EML6: variants seen among roughly 807,000 people sequenced by gnomAD.
EML6 encodes the protein echinoderm microtubule-associated protein-like 6.
In EML6, 154 loss-of-function variants were observed where a neutral mutation model predicts 240.1. The ratio of observed to expected loss-of-function variants is 0.64; its 90% CI spans 0.56 to 0.73. EML6 has a LOEUF of 0.73. Among genes scored for constraint, EML6 ranks in the 30% least tolerant of loss-of-function variants. The pLI, the probability that EML6 is intolerant of heterozygous loss-of-function variation, is 0.00. For synonymous variants in EML6, 1,148 were observed against 899.0 expected, an observed-to-expected ratio of 1.28 and a Z score of -4.95; for missense variants, 2,964 against 2,474.6, an observed-to-expected ratio of 1.20 and a Z score of -4.20.
intron 31 of EML6, 52 bp downstream of exon 31, chr2:54,952,744 C>G: frequency 8.1e-7 from 1 of 1,237,034 alleles, no homozygotes; most frequent in Non-Finnish European, 1.2e-6. Flanking sequence ...GGACGCTGAC[C>G]TGTCAGCAAT....
intron 28 of EML6, among the ~76,000 whole-genome samples, chr2:54,932,478 C>T (rs1674914041): frequency 1.3e-5 from 2 of 152,300 alleles, no homozygotes; most frequent in South Asian, 2.1e-4. Flanking sequence ...CCCTTCCAAA[C>T]CTTCCCACCT....
At chr2:54,888,795 T>A (rs1455303546) in intron 17 of EML6, among the ~76,000 whole-genome samples, 2 of 152,200 alleles carry the variant, frequency 1.3e-5, no homozygotes, top group African/African-American at 4.8e-5. Flanking sequence ...GCTGCCACAT[T>A]TTGACAATTA....
At chr2:54,758,171 G>A (rs1667821609) in intron 2 of EML6, among the ~76,000 whole-genome samples, 1 of 151,946 alleles carries the variant, frequency 6.6e-6, no homozygotes, top group Admixed American at 6.6e-5. Context: ...ATTTTAAATA[G>A]ATTTAAAATC....
intron 41 of EML6, 101 bp from the exon 42 acceptor site, chr2:54,969,970 C>A: frequency 8.1e-7 from 1 of 1,240,260 alleles, no homozygotes; most frequent in Non-Finnish European, 1.2e-6. Context: ...CAATACATCA[C>A]CCGAGCTTGA....
chr2:54,960,157 C>T lies in EML6; in HGVS notation c.4854-63C>T, dbSNP rs1047315485. 7 of 1,200,888 alleles carry T rather than the reference C, an allele frequency of 5.8e-6. No homozygotes were observed. The Admixed American group carries it at 1.2e-4, about 21-fold the overall frequency. The allele number at this position is 1,200,888 out of a possible 1,614,324, so 74.4% of individuals were successfully genotyped here. On this transcript the variant is annotated intron_variant, in intron 34 of 41. Transcript: ENST00000356458. ...ATGACTGGGAAAGAGGGGAGAGGGCCGGAGGGGGTAGTGGGTCTTAGGATG... is the reference window on the plus strand; with the variant it reads ...ATGACTGGGAAAGAGGGGAGAGGGCTGGAGGGGGTAGTGGGTCTTAGGATG...
intron 2 of EML6, among the ~76,000 whole-genome samples, chr2:54,739,889 A>G (rs1683555586): frequency 6.6e-6 from 1 of 152,200 alleles, no homozygotes; most frequent in Admixed American, 6.5e-5. Context: ...ATGCAAAGAG[A>G]ACTATGAATA....
At chr2:54,952,968 C>T (rs1235510651) in intron 31 of EML6, among the ~76,000 whole-genome samples, 1 of 152,112 alleles carries the variant, frequency 6.6e-6, no homozygotes, top group Non-Finnish European at 1.5e-5. Context: ...TTTCAGACCC[C>T]AAGTGTCAAG....
intron 28 of EML6, among the ~76,000 whole-genome samples, chr2:54,940,045 C>T (rs916758327): frequency 6.6e-6 from 1 of 152,172 alleles, no homozygotes; most frequent in Admixed American, 6.5e-5. Flanking sequence ...GCATATGTTC[C>T]TTAGGAAACC....
intron 11 of EML6, among the ~76,000 whole-genome samples, chr2:54,855,614 A>G (rs1413806772): frequency 2.0e-5 from 3 of 152,202 alleles, no homozygotes; most frequent in Admixed American, 6.5e-5. Flanking sequence ...CACAGAGGGC[A>G]TCTGCATGAA....
rs1376971089 is a variant in EML6, at chr2:54,964,097, G to T, written c.5269G>T (p.Val1757Leu). 5 of 1,551,752 alleles carry T rather than the reference G, an allele frequency of 3.2e-6. No individual in the cohort carries two copies. Residue 1757 changes from valine to leucine, a missense_variant, in exon 37 of 42, where the codon GTG becomes TTG. Transcript: ENST00000356458. ...GAATGGAGAGTTTGTCATCTTGTTG[G>T]TGAACAGCCTGAAAGTTTGGGGGAA... ...MKNGEFVILL[V>L]NSLKVWGKKR...
chr2:54,806,331 G>C (rs1405350751), intron 2 of EML6, among the ~76,000 whole-genome samples: 1 of 152,026 alleles, frequency 6.6e-6, no homozygotes, highest in African/African-American at 2.4e-5. Context: ...GTCTGTTCCT[G>C]GCCGGGCGCG....
At chr2:54,833,330 G>T (rs1358665305) in intron 7 of EML6, among the ~76,000 whole-genome samples, 1 of 152,120 alleles carries the variant, frequency 6.6e-6, no homozygotes, top group Non-Finnish European at 1.5e-5. Flanking sequence ...TTGCAAGATT[G>T]GCATACATTT....
intron 16 of EML6, among the ~76,000 whole-genome samples, chr2:54,873,467 C>G (rs1045588256): frequency 6.6e-6 from 1 of 152,148 alleles, no homozygotes; most frequent in Non-Finnish European, 1.5e-5. Context: ...TCCAAACTCC[C>G]GGAAGTGTGA....
At chr2:54,822,797 T>C (rs1002566417) in intron 5 of EML6, among the ~76,000 whole-genome samples, 2 of 152,176 alleles carry the variant, frequency 1.3e-5, no homozygotes, top group African/African-American at 4.8e-5. Flanking sequence ...TACTTCATTG[T>C]AAAATTATTT....
Position 54,835,901 on chromosome 2 carries a change from C to T in EML6, c.847+6424C>T, listed in dbSNP as rs146296231. Among the ~76,000 whole-genome samples the T allele has an allele frequency of 2.1e-3, 325 of 152,288 alleles. 2 individuals are homozygous for T. Among genetic ancestry groups the T allele is most frequent in the Non-Finnish European group, 1.9e-3 (131 of 68,018 alleles). ...TGTTGTTAAGATCCCTTGCAGAGAA[C>T]GTCCAAAAGACCAACTCTCAAACCT... On this transcript the variant is annotated intron_variant, in intron 7 of 41. Coordinates refer to ENST00000356458, the MANE Select transcript of EML6 (RefSeq NM_001039753.4).
intron 12 of EML6, among the ~76,000 whole-genome samples, chr2:54,862,083 C>T (rs998912898): frequency 3.3e-5 from 5 of 151,868 alleles, no homozygotes; most frequent in African/African-American, 1.2e-4. Flanking sequence ...TGACTGTAAT[C>T]CCAGCACTTT....
At chr2:54,968,572 G>A in intron 40 of EML6, 96 bp from the exon 41 acceptor site, 1 of 776,330 alleles carries the variant, frequency 1.3e-6, no homozygotes, top group Non-Finnish European at 2.2e-6. Flanking sequence ...AGTGAAGGAA[G>A]GTTCTGGGAG....
At chr2:54,861,483 G>A (rs72808633) in intron 12 of EML6, among the ~76,000 whole-genome samples, 2,018 of 152,194 alleles carry the variant, frequency 0.013, 24 homozygotes, top group Non-Finnish European at 0.022. Context: ...AAAAGTGAGC[G>A]GTAAATGACT....
chr2:54,914,953 T>G (rs1673831403), intron 25 of EML6, among the ~76,000 whole-genome samples: 1 of 152,210 alleles, frequency 6.6e-6, no homozygotes, highest in Non-Finnish European at 1.5e-5. Context: ...AACCTCCCCC[T>G]TCGGCTTCCT....
Sources: gnomAD v4.1 joint callset for allele counts (sites outside exome capture counted in the v4.1 genomes callset) on GRCh38, gnomAD v4.1.1 for gene constraint, MANE v1.5 for transcripts, NCBI Gene and HGNC (gene_info 2026-07-23, HGNC 2026-07-21) for gene names.